GDA: variants seen among roughly 807,000 people sequenced by gnomAD.
GDA encodes guanine deaminase.
GDA carries 18 observed loss-of-function variants against 59.6 expected under a neutral mutation model. The observed-to-expected ratio is 0.30, with a 90% CI of 0.21 to 0.45. The LOEUF is 0.45. GDA is among the 20% of genes least tolerant of loss of function. The pLI is 1.00. For synonymous variants in GDA, 201 were observed against 201.1 expected (o/e 1.00, Z 0.00); for missense variants, 427 against 552.3 (o/e 0.77, Z 2.27).
intron 1 of GDA, among the ~76,000 whole-genome samples, chr9:72,129,243 G>A (rs747358820): frequency 1.2e-4 from 18 of 152,190 alleles, no homozygotes; most frequent in East Asian, 3.9e-4. Context: ...GATTACAGGC[G>A]TGAGCCACTG....
chr9:72,177,645 A>T (rs1477190990), intron 1 of GDA, among the ~76,000 whole-genome samples: 1 of 152,216 alleles, frequency 6.6e-6, no homozygotes, highest in East Asian at 1.9e-4. Flanking sequence ...TTCTTGTATA[A>T]CTAATAATAC....
chr9:72,257,280 T>C (rs1840897041), downstream of GDA: 3 of 152,222 alleles, frequency 2.0e-5, no homozygotes, highest in South Asian at 6.2e-4. Flanking sequence ...TGGCTCCTGC[T>C]GCTCCACATA....
At chr9:72,157,934 C>A (rs1040990317) in intron 1 of GDA, among the ~76,000 whole-genome samples, 1 of 152,188 alleles carries the variant, frequency 6.6e-6, no homozygotes, top group Non-Finnish European at 1.5e-5. Context: ...TCCCTGTTTT[C>A]CAGCACATCA....
At chr9:72,207,826 G>C (rs1834900000) in intron 3 of GDA, among the ~76,000 whole-genome samples, 1 of 152,064 alleles carries the variant, frequency 6.6e-6, no homozygotes, top group South Asian at 2.1e-4. Flanking sequence ...CAATTGACTG[G>C]GCCAGGTGTG....
chr9:72,188,332 TG>T (rs1007862383), intron 1 of GDA, among the ~76,000 whole-genome samples: 2 of 152,186 alleles, frequency 1.3e-5, no homozygotes, highest in African/African-American at 2.4e-5. Flanking sequence ...TTTGAGGGGT[TG>T]GGCTAGGAGC....
chr9:72,210,371 C>T (rs2131424596), intron 3 of GDA, among the ~76,000 whole-genome samples: 1 of 152,236 alleles, frequency 6.6e-6, no homozygotes, highest in East Asian at 1.9e-4. Context: ...TATTTATGTA[C>T]TCCCAGATGC....
chr9:72,171,807 G>T (rs533280608), intron 1 of GDA, among the ~76,000 whole-genome samples: 77 of 152,166 alleles, frequency 5.1e-4, no homozygotes, highest in African/African-American at 1.8e-3. Context: ...TTCTAAAAGT[G>T]AAATTGCTGA....
chr9:72,154,079 G>A lies in GDA; in HGVS notation c.123+4397G>A, dbSNP rs181611927. 1.9e-3 allele frequency among the ~76,000 whole-genome samples: 288 copies of A among 152,268 alleles called. 1 individual carries two copies. Among genetic ancestry groups the A allele is most frequent in the Non-Finnish European group, 3.4e-3 (233 of 68,032 alleles). On this transcript the variant is annotated intron_variant, in intron 1 of 13. Coordinates refer to ENST00000358399, the MANE Select transcript of GDA (RefSeq NM_004293.5). Reference sequence around the variant, plus strand: ...ATTCTTCCCACATACATCAGGGTCAGGTTGACAGTAAAGATGCATAAACAT... The same window carrying A: ...ATTCTTCCCACATACATCAGGGTCAAGTTGACAGTAAAGATGCATAAACAT...
intron 1 of GDA, among the ~76,000 whole-genome samples, chr9:72,126,256 C>T (rs771087442): frequency 2.6e-5 from 4 of 152,102 alleles, no homozygotes; most frequent in Admixed American, 6.6e-5. Context: ...TGGCTAAACA[C>T]GATATTTTCT....
At chr9:72,139,737 C>G (rs529275621) in intron 1 of GDA, among the ~76,000 whole-genome samples, 1 of 152,282 alleles carries the variant, frequency 6.6e-6, no homozygotes, top group South Asian at 2.1e-4. Flanking sequence ...CAGGGAATCT[C>G]AGTTTTATAT....
At chr9:72,153,734 G>A (rs1158084683) in intron 1 of GDA, among the ~76,000 whole-genome samples, 1 of 149,000 alleles carries the variant, frequency 6.7e-6, no homozygotes, top group East Asian at 2.0e-4. Flanking sequence ...AACACTGCAT[G>A]TTCTCACTCA....
downstream of GDA, among the ~76,000 whole-genome samples, chr9:72,256,166 A>T (rs1840877736): frequency 6.6e-6 from 1 of 152,228 alleles, no homozygotes; most frequent in Non-Finnish European, 1.5e-5. Context: ...TGAAAGATTT[A>T]AAAATGGTTA....
rs187786772 is a variant in GDA at position 72,244,656 on chromosome 9, G to C, written c.1136-492G>C. 2.6e-5 allele frequency among the ~76,000 whole-genome samples: 4 copies of C among 152,208 alleles called. No individual in the cohort carries two copies. The East Asian group carries it at 7.7e-4, about 29-fold the overall frequency. On this transcript the variant is annotated intron_variant, in intron 11 of 13. Transcript: ENST00000358399. ...GCCTGCATTGACAAATATGCAAAAG[G>C]ATAATTATTTTTTATTTATTCAAGG... is the stretch of plus-strand genomic sequence containing the variant.
At chr9:72,213,757 T>A (rs895230286) in intron 4 of GDA, 129 bp from the exon 5 acceptor site, 3 of 529,118 alleles carry the variant, frequency 5.7e-6, no homozygotes, top group Non-Finnish European at 6.8e-6. Context: ...GAGCCGAGAT[T>A]GCGCCACTGC....
intron 1 of GDA, among the ~76,000 whole-genome samples, chr9:72,115,944 A>T (rs1825422563): frequency 6.6e-6 from 1 of 152,188 alleles, no homozygotes; most frequent in South Asian, 2.1e-4. Flanking sequence ...AAGAGACAAT[A>T]ACTATTGGGC....
At chr9:72,224,699 CG>C (rs778477027) in intron 7 of GDA, among the ~76,000 whole-genome samples, 131 of 152,106 alleles carry the variant, frequency 8.6e-4, no homozygotes, top group Non-Finnish European at 1.7e-3. Context: ...CTGCTGCATC[CG>C]GAGGGGCAGT....
chr9:72,234,464 A>G (rs1463728344), intron 10 of GDA, among the ~76,000 whole-genome samples: 2 of 152,350 alleles, frequency 1.3e-5, no homozygotes, highest in East Asian at 3.9e-4. Context: ...GTAGGAAGCT[A>G]TGAGAAGCAG....
chr9:72,147,451 G>A (rs1416611804), upstream of GDA, among the ~76,000 whole-genome samples: 3 of 152,096 alleles, frequency 2.0e-5, no homozygotes, highest in Non-Finnish European at 4.4e-5. Context: ...TGATCCACCC[G>A]CCTCGGCCTC....
intron 1 of GDA, among the ~76,000 whole-genome samples, chr9:72,136,751 G>T (rs551269408): frequency 6.6e-6 from 1 of 152,092 alleles, no homozygotes; most frequent in African/African-American, 2.4e-5. Flanking sequence ...CGAGGTGGGC[G>T]GATCACGAGG....
Sources: gnomAD v4.1 joint callset for allele counts (sites outside exome capture counted in the v4.1 genomes callset) on GRCh38, gnomAD v4.1.1 for gene constraint, MANE v1.5 for transcripts, NCBI Gene and HGNC (gene_info 2026-07-23, HGNC 2026-07-21) for gene names.